SYNE2: variants seen among roughly 807,000 people sequenced by gnomAD.
SYNE2 encodes the protein spectrin repeat containing nuclear envelope protein 2.
A neutral mutation model predicts 856.3 loss-of-function variants in SYNE2; 431 were observed. That is an observed-to-expected ratio of 0.50 (90% CI 0.47 to 0.55). The LOEUF (loss-of-function observed/expected upper bound fraction) is 0.55, where lower values mean the gene tolerates loss of function less well. Among genes scored for constraint, SYNE2 ranks in the 20% least tolerant of loss-of-function variants. The probability of loss-of-function intolerance (pLI) is 0.00; values close to 1 mark genes in which losing one functional copy is unlikely to be tolerated. For missense variants in SYNE2, 8,129 were observed against 8,023.2 expected, an observed-to-expected ratio of 1.01 and a Z score of -0.50; for synonymous variants, 2,923 against 2,872.3, an observed-to-expected ratio of 1.02 and a Z score of -0.56.
At chr14:63,872,523 A>G (rs1000962721) in intron 1 of SYNE2, among the ~76,000 whole-genome samples, 1 of 152,014 alleles carries the variant, frequency 6.6e-6, no homozygotes, top group South Asian at 2.1e-4. Flanking sequence ...TGGGAGGCCG[A>G]GGCGAGTGGA....
At chr14:64,134,324 A>T (rs11158531) in intron 78 of SYNE2, 124 bp downstream of exon 78, 1 of 1,006,136 alleles carries the variant, frequency 9.9e-7, no homozygotes, top group Non-Finnish European at 1.6e-6. Flanking sequence ...CATACAACTC[A>T]CTGTTGAATG....
rs200407681 is a variant in SYNE2, at chr14:63,929,666, G to T, written c.80-10948G>T. 4.1e-4 allele frequency among the ~76,000 whole-genome samples: 62 copies of T among 152,060 alleles called. 1 individual carries two copies. The highest frequency in any genetic ancestry group is 3.3e-3 in the Admixed American group (51 of 15,280). On this transcript the variant is annotated intron_variant, in intron 2 of 115. Coordinates refer to ENST00000555002, the MANE Select transcript of SYNE2 (RefSeq NM_182914.3). ...GGCGCCTGTAATCCCAGCTACTCGG[G>T]AGGCTGAAGCAGGAGAATTGCATGA...
intron 1 of SYNE2, among the ~76,000 whole-genome samples, chr14:63,793,773 C>A (rs973983024): frequency 6.8e-6 from 1 of 146,432 alleles, no homozygotes; most frequent in African/African-American, 2.6e-5. Context: ...CCCCCCCCAA[C>A]TAAAAAATTA....
In SYNE2 at chr14:63,764,292, A is replaced by G. The variant is rs558520751; in HGVS notation, c.-305+2306A>G. The stretch of plus-strand genomic sequence containing the variant: ...TATCCGTGAAAGTCCAGTCAGAAAC[A>G]TAGAAGCCACTGTTTGAAAGAGAGA... On this transcript the variant is annotated intron_variant, in intron 1 of 23. Transcript: ENST00000674003. Among the ~76,000 whole-genome samples the G allele has an allele frequency of 3.9e-5, 6 of 152,348 alleles. No homozygotes were observed. In the East Asian group the frequency reaches 1.2e-3, roughly 29 times the overall value.
At chr14:64,079,446 G>A (rs1185670865) in intron 55 of SYNE2, among the ~76,000 whole-genome samples, 2 of 152,178 alleles carry the variant, frequency 1.3e-5, no homozygotes, top group East Asian at 1.9e-4. Flanking sequence ...ATAGGTCAGA[G>A]TATGGCTCAC....
At chr14:64,164,001 C>T (rs775653796) in intron 89 of SYNE2, among the ~76,000 whole-genome samples, 2 of 152,148 alleles carry the variant, frequency 1.3e-5, no homozygotes, top group African/African-American at 4.8e-5. Flanking sequence ...CTCACTGCAA[C>T]CTCCACCTCC....
At chr14:64,188,122 A>C (rs2098501024) in intron 97 of SYNE2, among the ~76,000 whole-genome samples, 1 of 152,222 alleles carries the variant, frequency 6.6e-6, no homozygotes, top group South Asian at 2.1e-4. Context: ...TTGCATTATA[A>C]ATGTTTGATT....
At chr14:63,875,462 T>G (rs985222991) in intron 1 of SYNE2, among the ~76,000 whole-genome samples, 1 of 152,138 alleles carries the variant, frequency 6.6e-6, no homozygotes, top group Non-Finnish European at 1.5e-5. Flanking sequence ...ATTTTAGGGC[T>G]CTCTTCCAAC....
chr14:63,791,053 G>A (rs1887713627), intron 1 of SYNE2, among the ~76,000 whole-genome samples: 1 of 151,956 alleles, frequency 6.6e-6, no homozygotes, highest in Non-Finnish European at 1.5e-5. Context: ...TGCCTCCCAG[G>A]TTCAAGTGAT....
rs1048607231 is a variant in SYNE2 at position 64,081,362 on chromosome 14, A to T, written c.11347-81A>T. 5 of 1,576,760 alleles carry T rather than the reference A, an allele frequency of 3.2e-6. No individual in the cohort carries two copies. The African/African-American group carries it at 6.8e-5, about 21-fold the overall frequency. ...AAGGCCTGACACACCCCTGACTAAC[A>T]GCTATTGACTCTTCATCTAGGAGTC... On this transcript the variant is annotated intron_variant, in intron 56 of 115. Transcript: ENST00000555002.
chr14:63,903,832 A>C (rs1428613919), intron 1 of SYNE2, among the ~76,000 whole-genome samples: 4 of 148,378 alleles, frequency 2.7e-5, no homozygotes, highest in Non-Finnish European at 5.9e-5. Flanking sequence ...TTAATTTCAG[A>C]GACATTCTAT....
intron 43 of SYNE2, among the ~76,000 whole-genome samples, chr14:64,028,168 G>A (rs1347538185): frequency 6.6e-6 from 1 of 151,972 alleles, no homozygotes; most frequent in Non-Finnish European, 1.5e-5. Context: ...GCCTCCCAAA[G>A]TGCTGGGACT....
chr14:63,852,010 T>TTG (rs796230278), upstream of SYNE2, among the ~76,000 whole-genome samples: 7 of 2,426 alleles, frequency 2.9e-3, no homozygotes, highest in Admixed American at 7.9e-3. Flanking sequence ...ATGGATGAAA[T>TTG]GGGGGGGGGG....
chr14:63,814,930 A>G (rs1206622767), intron 1 of SYNE2, among the ~76,000 whole-genome samples: 1 of 135,698 alleles, frequency 7.4e-6, no homozygotes, highest in East Asian at 2.2e-4. Context: ...CTATCCATAT[A>G]TCTATCCATA....
intron 64 of SYNE2, among the ~76,000 whole-genome samples, chr14:64,102,546 A>G (rs988991973): frequency 8.5e-6 from 1 of 117,306 alleles, no homozygotes; most frequent in Admixed American, 9.9e-5. Flanking sequence ...ACCATTGTAT[A>G]TATTTATGGT....
At chr14:63,918,982 A>T (rs1255158563) in intron 2 of SYNE2, among the ~76,000 whole-genome samples, 1 of 152,206 alleles carries the variant, frequency 6.6e-6, no homozygotes, top group Non-Finnish European at 1.5e-5. Flanking sequence ...TTTGTCGGCA[A>T]ACTTCCAGGG....
chr14:64,110,474 A>G (rs906185277), intron 65 of SYNE2, among the ~76,000 whole-genome samples: 3 of 152,160 alleles, frequency 2.0e-5, no homozygotes, highest in African/African-American at 4.8e-5. Flanking sequence ...GTGTGACCAT[A>G]CAGTGCCTGC....
chr14:64,126,482 A>G lies in SYNE2; in HGVS notation c.13707+3A>G, dbSNP rs201254784. 6.2e-7 allele frequency: 1 copy of G among 1,614,038 alleles called. No homozygotes were observed. Among genetic ancestry groups the G allele is most frequent in the Non-Finnish European group, 8.5e-7 (1 of 1,180,012 alleles). ...CTGGCCAGCAGGTGCACTACGAGGT[A>G]GGGCACTTCTCACGAGCCCATGTGT... On this transcript the variant is annotated splice_donor_region_variant and intron_variant, in intron 72 of 115. Transcript: ENST00000555002.
At chr14:63,919,971 AG>A (rs2095577469) in intron 2 of SYNE2, among the ~76,000 whole-genome samples, 1 of 94,566 alleles carries the variant, frequency 1.1e-5, no homozygotes, top group Non-Finnish European at 2.0e-5. Context: ...ATAAAAGGTA[AG>A]TTTTTTTTTT....
Sources: gnomAD v4.1 joint callset for allele counts (sites outside exome capture counted in the v4.1 genomes callset) on GRCh38, gnomAD v4.1.1 for gene constraint, MANE v1.5 for transcripts, NCBI Gene and HGNC (gene_info 2026-07-23, HGNC 2026-07-21) for gene names.